The following UNC13C variants were observed in gnomAD, a reference collection of about 807,000 sequenced individuals.
UNC13C encodes protein unc-13 homolog C.
In UNC13C, 174 loss-of-function variants were observed where a neutral mutation model predicts 245.4. The ratio of observed to expected loss-of-function variants is 0.71; its 90% confidence interval spans 0.63 to 0.80. The LOEUF is 0.80. UNC13C is among the 30% of genes least tolerant of loss of function. The pLI is 0.00. For missense variants in UNC13C, 2,829 were observed against 2,602.9 expected, an observed-to-expected ratio of 1.09 and a Z score of -1.89; for synonymous variants, 992 against 895.1, an observed-to-expected ratio of 1.11 and a Z score of -1.93.
At chr15:53,899,641 C>G in the UNC13C span, among the ~76,000 whole-genome samples, 1 of 152,072 alleles carries the variant, frequency 6.6e-6, no homozygotes, top group Non-Finnish European at 1.5e-5. Context: ...CTCGGCTCAC[C>G]GCAACATCCA....
chr15:54,221,529 A>G (rs957152108), intron 4 of UNC13C, among the ~76,000 whole-genome samples: 6 of 151,944 alleles, frequency 3.9e-5, no homozygotes, highest in Non-Finnish European at 8.8e-5. Flanking sequence ...ATAGGTTTTC[A>G]TAGGTTATCA....
chr15:54,375,298 T>A (rs1175280445), intron 17 of UNC13C, among the ~76,000 whole-genome samples: 1 of 152,180 alleles, frequency 6.6e-6, no homozygotes, highest in African/African-American at 2.4e-5. Context: ...AAACTTGGAT[T>A]TTTTAATATC....
chr15:54,150,169 A>G (rs984041813), intron 4 of UNC13C, among the ~76,000 whole-genome samples: 2 of 152,194 alleles, frequency 1.3e-5, no homozygotes, highest in Non-Finnish European at 2.9e-5. Flanking sequence ...TCTGTAGCTT[A>G]TATTAGTTTG....
intron 1 of UNC13C, among the ~76,000 whole-genome samples, chr15:54,008,285 G>T (rs374677241): frequency 2.0e-5 from 3 of 152,076 alleles, no homozygotes; most frequent in Admixed American, 2.0e-4. Context: ...CATGTTAATC[G>T]CATGACCTTA....
chr15:54,622,531 G>A, intron 31 of UNC13C, 112 bp downstream of exon 31: 2 of 766,512 alleles, frequency 2.6e-6, no homozygotes, highest in Non-Finnish European at 2.1e-6. Flanking sequence ...TTATTTTAGG[G>A]CATGCACAAA....
intron 18 of UNC13C, among the ~76,000 whole-genome samples, chr15:54,399,928 T>A (rs1453720426): frequency 6.6e-6 from 1 of 151,990 alleles, no homozygotes; most frequent in Admixed American, 6.6e-5. Flanking sequence ...ACTTTTATAT[T>A]TAAGAAATTG....
intron 10 of UNC13C, among the ~76,000 whole-genome samples, chr15:54,268,127 C>T (rs559212580): frequency 2.0e-5 from 3 of 151,864 alleles, no homozygotes; most frequent in Admixed American, 6.6e-5. Context: ...GCCCCACCCC[C>T]CAACTTTACT....
At position 54,015,074 on chromosome 15, in the gene UNC13C, C is replaced by G. The variant is rs978139629; in HGVS notation, c.2171C>G (p.Pro724Arg). 9 of 1,612,706 alleles carry G rather than the reference C, an allele frequency of 5.6e-6. No individual in the cohort carries two copies. The East Asian group carries it at 2.0e-4, about 36-fold the overall frequency. ...CAAGATGACAATTCTTCTCCATGCC[C>G]TGGCTTGGATAATGAACCACAAGGC... ...LTQDDNSSPC[P>R]GLDNEPQGQW... Residue 724 changes from proline to arginine, a missense_variant, in exon 2 of 33, where the codon CCT becomes CGT. Physicochemically the swap from Pro to Arg is moderately radical, Grantham distance 103 (BLOSUM62 -2). Transcript: ENST00000260323.
chr15:54,336,203 CATG>C (rs1427998272), intron 16 of UNC13C, among the ~76,000 whole-genome samples: 11 of 151,902 alleles, frequency 7.2e-5, no homozygotes, highest in Admixed American at 7.2e-4. Context: ...TTGTGTACAA[CATG>C]ATGCTTTAAA....
chr15:54,581,281 A>T (rs1898188274), intron 30 of UNC13C, among the ~76,000 whole-genome samples: 1 of 152,232 alleles, frequency 6.6e-6, no homozygotes, highest in Non-Finnish European at 1.5e-5. Context: ...CGACAAGAAG[A>T]CCAATCAGAG....
chr15:54,205,809 G>A (rs970691212), intron 4 of UNC13C, among the ~76,000 whole-genome samples: 4 of 152,034 alleles, frequency 2.6e-5, no homozygotes, highest in South Asian at 4.1e-4. Context: ...ACATCTCAGA[G>A]TTTATTGTAG....
At chr15:54,199,343 A>G (rs2034450798) in intron 4 of UNC13C, among the ~76,000 whole-genome samples, 1 of 152,094 alleles carries the variant, frequency 6.6e-6, no homozygotes, top group Non-Finnish European at 1.5e-5. Flanking sequence ...GCTTCAATAA[A>G]CCTGGGAAAT....
chr15:54,436,647 A>G (rs1304659637), intron 19 of UNC13C, among the ~76,000 whole-genome samples: 1 of 151,892 alleles, frequency 6.6e-6, no homozygotes, highest in African/African-American at 2.4e-5. Context: ...GGAACATCAC[A>G]CACCAGGGCC....
the UNC13C span, among the ~76,000 whole-genome samples, chr15:53,910,481 C>T: frequency 1.4e-5 from 2 of 146,896 alleles, no homozygotes; most frequent in East Asian, 2.0e-4. Context: ...TGACACTGTG[C>T]ACAAGAGACA....
intron 2 of UNC13C, among the ~76,000 whole-genome samples, chr15:54,035,683 G>A (rs1361825632): frequency 6.6e-6 from 1 of 152,128 alleles, no homozygotes; most frequent in Non-Finnish European, 1.5e-5. Context: ...AGAGAAAAAC[G>A]TGGAAGCCAA....
chr15:54,042,758 T>C (rs1370344972), intron 2 of UNC13C, among the ~76,000 whole-genome samples: 2 of 151,750 alleles, frequency 1.3e-5, no homozygotes, highest in Non-Finnish European at 2.9e-5. Flanking sequence ...GAGGCTGAAG[T>C]AGGAGAATGG....
At chr15:54,516,204 C>A (rs887930194) in intron 24 of UNC13C, among the ~76,000 whole-genome samples, 27 of 152,142 alleles carry the variant, frequency 1.8e-4, no homozygotes, top group African/African-American at 6.5e-4. Context: ...AAACATTAAT[C>A]TTCATCATTT....
chr15:54,235,596 A>T (rs2035672763), intron 5 of UNC13C, among the ~76,000 whole-genome samples: 1 of 152,122 alleles, frequency 6.6e-6, no homozygotes, highest in South Asian at 2.1e-4. Flanking sequence ...TTTAAAGAAA[A>T]TCATGGTTCA....
intron 4 of UNC13C, among the ~76,000 whole-genome samples, chr15:54,155,475 G>A (rs1320885575): frequency 2.0e-5 from 3 of 151,994 alleles, no homozygotes; most frequent in Non-Finnish European, 4.4e-5. Context: ...AGTGACTGAG[G>A]CCATTTTTGA....
Sources: gnomAD v4.1 joint callset for allele counts (sites outside exome capture counted in the v4.1 genomes callset) on GRCh38, gnomAD v4.1.1 for gene constraint, MANE v1.5 for transcripts, NCBI Gene and HGNC (gene_info 2026-07-23, HGNC 2026-07-21) for gene names.